Variants in ABI3BP observed in about 807,000 individuals in gnomAD.
The protein encoded by ABI3BP is ABI family member 3 binding protein.
Under a neutral mutation model 268.6 loss-of-function variants are expected in ABI3BP, and 216 were observed. The ratio of observed to expected loss-of-function variants is 0.80; its 90% CI spans 0.72 to 0.90. The LOEUF is 0.90. Among genes scored for constraint, ABI3BP ranks in the 40% least tolerant of loss-of-function variants. The pLI is 0.00. For missense variants in ABI3BP, 2,090 were observed against 2,182.4 expected, an observed-to-expected ratio of 0.96 and a Z score of 0.84; for synonymous variants, 730 against 730.0, an observed-to-expected ratio of 1.00 and a Z score of 0.00.
intron 1 of ABI3BP, among the ~76,000 whole-genome samples, chr3:100,931,527 AC>A (rs2063624777): frequency 6.6e-6 from 1 of 152,056 alleles, no homozygotes; most frequent in Non-Finnish European, 1.5e-5. Context: ...AAATCAATGG[AC>A]AAAAATTAGT....
chr3:100,783,898 A>C (rs541571502), intron 57 of ABI3BP, among the ~76,000 whole-genome samples: 1 of 152,338 alleles, frequency 6.6e-6, no homozygotes, highest in East Asian at 1.9e-4. Flanking sequence ...GGCTTGTAGC[A>C]TCTCTGTAGG....
chr3:100,764,253 C>T (rs1160937979), intron 63 of ABI3BP, among the ~76,000 whole-genome samples: 3 of 152,132 alleles, frequency 2.0e-5, no homozygotes, highest in African/African-American at 7.2e-5. Flanking sequence ...GATGACGTTG[C>T]GTAGTGCCTC....
intron 1 of ABI3BP, among the ~76,000 whole-genome samples, chr3:100,965,754 C>A (rs967346619): frequency 2.6e-5 from 4 of 151,502 alleles, no homozygotes; most frequent in African/African-American, 9.7e-5. Flanking sequence ...CCTTGGGGAT[C>A]GTAACAGATG....
intron 2 of ABI3BP, among the ~76,000 whole-genome samples, chr3:100,922,577 T>C (rs62273924): frequency 0.14 from 15,730 of 114,172 alleles, 1,104 homozygotes; most frequent in Non-Finnish European, 0.21. Context: ...ATGGCGATGG[T>C]GATGGTGATG....
Position 100,837,516 on chromosome 3 carries a change from G to T in ABI3BP, c.2084-345C>A, listed in dbSNP as rs138705264. Among the ~76,000 whole-genome samples, 3 of 152,266 alleles carry T rather than the reference G, an allele frequency of 2.0e-5. 1 individual carries two copies. Among genetic ancestry groups the T allele is most frequent in the Admixed American group, 6.5e-5 (1 of 15,288 alleles). On this transcript the variant is annotated intron_variant, in intron 26 of 67. Transcript: ENST00000471714. Reference sequence around the variant, plus strand: ...TGCCTATAATCCCAGCACTTTGGGAGGCCAAGGCAGGTGGATCACCTGAGG... The same window carrying T: ...TGCCTATAATCCCAGCACTTTGGGATGCCAAGGCAGGTGGATCACCTGAGG...
intron 1 of ABI3BP, among the ~76,000 whole-genome samples, chr3:100,941,813 GTC>G (rs1403430097): frequency 6.6e-6 from 1 of 152,102 alleles, no homozygotes; most frequent in Non-Finnish European, 1.5e-5. Flanking sequence ...TAAATCAACA[GTC>G]TCTCATTTTC....
chr3:100,851,034 C>T (rs1194255171), intron 15 of ABI3BP, among the ~76,000 whole-genome samples: 2 of 152,164 alleles, frequency 1.3e-5, no homozygotes, highest in Non-Finnish European at 2.9e-5. Context: ...CTGAACTCAC[C>T]ACTGACATTC....
At chr3:100,876,614 T>C in intron 6 of ABI3BP, 54 bp from the exon 7 acceptor site, 1 of 1,520,186 alleles carries the variant, frequency 6.6e-7, no homozygotes, top group Non-Finnish European at 9.1e-7. Flanking sequence ...AACTTTCTGT[T>C]CTTTAAAACG....
intron 51 of ABI3BP, among the ~76,000 whole-genome samples, chr3:100,804,136 C>T (rs940752404): frequency 3.7e-4 from 56 of 152,274 alleles, no homozygotes; most frequent in African/African-American, 1.3e-3. Flanking sequence ...CCAGCGGCTT[C>T]CTAAGGCCAC....
intron 62 of ABI3BP, among the ~76,000 whole-genome samples, chr3:100,766,616 A>G (rs1212924952): frequency 6.6e-6 from 1 of 152,208 alleles, no homozygotes; most frequent in Non-Finnish European, 1.5e-5. Context: ...GATCTGCCTA[A>G]ATTTCACTTA....
chr3:100,905,562 T>G (rs2053009705), intron 2 of ABI3BP, among the ~76,000 whole-genome samples: 1 of 151,974 alleles, frequency 6.6e-6, no homozygotes, highest in Non-Finnish European at 1.5e-5. Context: ...CTCTTCCTCA[T>G]TCAGAAATGA....
At chr3:100,805,583 A>T (rs2097684805) in intron 50 of ABI3BP, among the ~76,000 whole-genome samples, 1 of 152,066 alleles carries the variant, frequency 6.6e-6, no homozygotes, top group African/African-American at 2.4e-5. Flanking sequence ...GGAGGAAGGA[A>T]TTACTAGCTC....
At chr3:100,777,425 T>C (rs999290881) in intron 59 of ABI3BP, among the ~76,000 whole-genome samples, 8 of 152,260 alleles carry the variant, frequency 5.3e-5, no homozygotes, top group Non-Finnish European at 7.3e-5. Context: ...CACTTTGTTA[T>C]TACTCATCAA....
chr3:100,808,545 T>A (rs549897180), intron 49 of ABI3BP, among the ~76,000 whole-genome samples: 1 of 152,080 alleles, frequency 6.6e-6, no homozygotes, highest in African/African-American at 2.4e-5. Flanking sequence ...TCATCCTTAT[T>A]ATAAGTTCAT....
At position 100,775,262 on chromosome 3, in the gene ABI3BP, C is replaced by G. The variant is rs375834918; in HGVS notation, c.4407G>C (p.Glu1469Asp). The change falls in exon 60 of 68, where the codon GAG (glutamate) becomes GAC (aspartate). Residue 1469 changes from glutamate to aspartate, a missense_variant. Physicochemically the swap from Glu to Asp is conservative, Grantham distance 45. Transcript: ENST00000471714. ...STPRPTGTPL[E>D]RIETDIKQPT... ...GTTGCTTTATATCTGTCTCTATTCT[C>G]TCCAAGGGAGTTCCAGTAGGCCTGG... 6.2e-7 allele frequency: 1 copy of G among 1,611,042 alleles called. No homozygotes were observed. The highest frequency in any genetic ancestry group is 1.7e-5 in the Admixed American group (1 of 59,712).
intron 1 of ABI3BP, among the ~76,000 whole-genome samples, chr3:100,978,533 CAAACA>C (rs2087488376): frequency 6.6e-6 from 1 of 152,170 alleles, no homozygotes; most frequent in South Asian, 2.1e-4. Flanking sequence ...TACTCACCAC[CAAACA>C]AGGTTATGTC....
At chr3:100,917,367 A>T (rs955154414) in intron 2 of ABI3BP, among the ~76,000 whole-genome samples, 1 of 152,214 alleles carries the variant, frequency 6.6e-6, no homozygotes, top group Non-Finnish European at 1.5e-5. Context: ...TTTCCATGGA[A>T]TGTAAAATAT....
intron 9 of ABI3BP, among the ~76,000 whole-genome samples, chr3:100,867,514 C>G (rs999529256): frequency 2.0e-5 from 3 of 151,040 alleles, no homozygotes; most frequent in Non-Finnish European, 3.0e-5. Flanking sequence ...GGTGGCGGGC[C>G]CCTGTAGTCC....
chr3:100,973,077 G>C (rs986280812), intron 1 of ABI3BP, among the ~76,000 whole-genome samples: 1 of 152,136 alleles, frequency 6.6e-6, no homozygotes, highest in African/African-American at 2.4e-5. Context: ...CACTGTTTAA[G>C]CAGGCCCTAA....
Sources: gnomAD v4.1 joint callset for allele counts (sites outside exome capture counted in the v4.1 genomes callset) on GRCh38, gnomAD v4.1.1 for gene constraint, MANE v1.5 for transcripts, NCBI Gene and HGNC (gene_info 2026-07-23, HGNC 2026-07-21) for gene names.